Variants in HYCC2 observed in about 807,000 individuals in gnomAD.
HYCC2 encodes hyccin 2.
chr2:201,059,111 AGGACTTT>A, the HYCC2 span, among the ~76,000 whole-genome samples: 6 of 152,180 alleles, frequency 3.9e-5, no homozygotes, highest in African/African-American at 1.4e-4. Flanking sequence ...TCTGGTTCTC[AGGACTTT>A]GGACTGTGTC....
chr2:201,053,067 A>AT, the HYCC2 span, among the ~76,000 whole-genome samples: 1 of 152,286 alleles, frequency 6.6e-6, no homozygotes, highest in Non-Finnish European at 1.5e-5. Context: ...TTCCTAAGTA[A>AT]TGGGGACTTA....
At chr2:201,058,857 T>C in the HYCC2 span, among the ~76,000 whole-genome samples, 5 of 152,384 alleles carry the variant, frequency 3.3e-5, no homozygotes, top group South Asian at 1.0e-3. Context: ...TAAACATTTT[T>C]CTGGGTGTTT....
At chr2:201,031,342 C>G in the HYCC2 span, among the ~76,000 whole-genome samples, 1 of 152,048 alleles carries the variant, frequency 6.6e-6, no homozygotes, top group East Asian at 1.9e-4. Context: ...AAAGAAATCA[C>G]AATATATATT....
the HYCC2 span, among the ~76,000 whole-genome samples, chr2:201,044,170 T>C: frequency 1.3e-5 from 2 of 152,242 alleles, no homozygotes; most frequent in Non-Finnish European, 2.9e-5. Flanking sequence ...ACTGCCTTAG[T>C]TCCAGAATGT....
the HYCC2 span, among the ~76,000 whole-genome samples, chr2:200,998,036 A>C: frequency 1.2e-3 from 178 of 152,342 alleles, 1 homozygote; most frequent in Non-Finnish European, 1.7e-3. Context: ...ACTCCATCTC[A>C]AAAAATCAAT....
chr2:201,068,757 A>G, the HYCC2 span, among the ~76,000 whole-genome samples: 1 of 152,326 alleles, frequency 6.6e-6, no homozygotes, highest in Non-Finnish European at 1.5e-5. Flanking sequence ...GAAGGTAAGG[A>G]GCTGTACTCG....
At chr2:201,034,221 T>A in the HYCC2 span, among the ~76,000 whole-genome samples, 7 of 152,298 alleles carry the variant, frequency 4.6e-5, no homozygotes, top group East Asian at 9.6e-4. Context: ...TATTAAGTAC[T>A]TTAAAAGACA....
At chr2:201,066,950 CCAT>C in the HYCC2 span, 1 of 219,678 alleles carries the variant, frequency 4.6e-6, no homozygotes, top group Non-Finnish European at 9.0e-6. Context: ...GACCACTATA[CCAT>C]CATCAAGTTC....
chr2:200,990,032 A>C, the HYCC2 span, among the ~76,000 whole-genome samples: 1 of 152,082 alleles, frequency 6.6e-6, no homozygotes, highest in Non-Finnish European at 1.5e-5. Context: ...ATAGTTGTAT[A>C]CTGTTTTTCT....
At chr2:200,975,591 T>G in the HYCC2 span, 9 of 152,120 alleles carry the variant, frequency 5.9e-5, no homozygotes, top group African/African-American at 2.2e-4. Context: ...TGCCTTAATT[T>G]GTAAACATGA....
the HYCC2 span, chr2:200,992,141 T>A: frequency 1.7e-6 from 1 of 586,868 alleles, no homozygotes; most frequent in Non-Finnish European, 3.1e-6. Context: ...TAAACCTATT[T>A]TGTTTTTTCT....
chr2:201,000,970 CAA>C, the HYCC2 span, among the ~76,000 whole-genome samples: 15 of 58,092 alleles, frequency 2.6e-4, no homozygotes, highest in African/African-American at 2.8e-4. Flanking sequence ...CCTGTCTCTA[CAA>C]AAAAAAAAAA....
chr2:201,064,068 A>G, the HYCC2 span: 8 of 1,581,218 alleles, frequency 5.1e-6, no homozygotes, highest in African/African-American at 8.0e-5. Flanking sequence ...AACAAAGCTT[A>G]GCAGGAGAGG....
chr2:201,011,988 A>C, the HYCC2 span, among the ~76,000 whole-genome samples: 1 of 152,220 alleles, frequency 6.6e-6, no homozygotes, highest in African/African-American at 2.4e-5. Context: ...ATAAAACACA[A>C]TGTTTTAATA....
At chr2:201,025,832 G>A in the HYCC2 span, among the ~76,000 whole-genome samples, 1 of 152,134 alleles carries the variant, frequency 6.6e-6, no homozygotes, top group Non-Finnish European at 1.5e-5. Context: ...GCTGAGGTAA[G>A]AGGATTGCTT....
chr2:201,014,601 G>C, the HYCC2 span, among the ~76,000 whole-genome samples: 2 of 152,128 alleles, frequency 1.3e-5, no homozygotes, highest in Non-Finnish European at 2.9e-5. Flanking sequence ...GGCAGGGCAT[G>C]GTTCTGAACT....
At chr2:201,063,205 G>A in the HYCC2 span, 21 of 1,606,254 alleles carry the variant, frequency 1.3e-5, no homozygotes, top group Middle Eastern at 2.2e-4. Context: ...AACGGGGAAC[G>A]CTCACAGACT....
the HYCC2 span, among the ~76,000 whole-genome samples, chr2:201,030,538 C>A: frequency 1.3e-5 from 2 of 150,670 alleles, no homozygotes; most frequent in Non-Finnish European, 2.9e-5. Context: ...GTGCTTTTTA[C>A]ATTTGTTAAA....
chr2:201,051,634 C>A, the HYCC2 span, among the ~76,000 whole-genome samples: 1 of 152,232 alleles, frequency 6.6e-6, no homozygotes, highest in East Asian at 1.9e-4. Context: ...TATAAGACCT[C>A]TACAATGAAA....
Sources: gnomAD v4.1 joint callset for allele counts (sites outside exome capture counted in the v4.1 genomes callset) on GRCh38, gnomAD v4.1.1 for gene constraint, MANE v1.5 for transcripts, NCBI Gene and HGNC (gene_info 2026-07-23, HGNC 2026-07-21) for gene names.